Variants in GPHN observed in about 807,000 individuals in gnomAD.
The protein encoded by GPHN is gephyrin.
In GPHN, 17 loss-of-function variants were observed where a neutral mutation model predicts 95.5. The ratio of observed to expected loss-of-function variants is 0.18; its 90% CI spans 0.12 to 0.27. GPHN has a LOEUF of 0.27. GPHN is among the 10% of genes least tolerant of loss of function. The pLI is 1.00. For synonymous variants in GPHN, 320 were observed against 322.5 expected (o/e 0.99, Z 0.08); for missense variants, 660 against 978.1 (o/e 0.67, Z 4.34).
At position 66,996,262 on chromosome 14, in the gene GPHN, G is replaced by A. The variant is rs773013785; in HGVS notation, c.964-27371G>A. On this transcript the variant is annotated intron_variant, in intron 9 of 22. Transcript: ENST00000478722. ...TTCTTACATGGTCAATAACATGCTC[G>A]CCCTCACCATTTTTCTCATTTTATT... 2.5e-5 allele frequency: 30 copies of A among 1,178,360 alleles called. No homozygotes were observed. In the East Asian group the frequency reaches 3.1e-4, roughly 12 times the overall value. The allele number at this position is 1,178,360 out of a possible 1,614,324, so 73.0% of individuals were successfully genotyped here.
At chr14:66,551,981 C>A (rs1039658529) in intron 1 of GPHN, among the ~76,000 whole-genome samples, 6 of 152,152 alleles carry the variant, frequency 3.9e-5, no homozygotes, top group African/African-American at 1.4e-4. Context: ...CCCCTTCATG[C>A]CCCAAAGAGA....
At chr14:66,721,649 G>C (rs779047521) in intron 2 of GPHN, among the ~76,000 whole-genome samples, 6 of 152,028 alleles carry the variant, frequency 3.9e-5, no homozygotes, top group African/African-American at 1.4e-4. Flanking sequence ...TCAAAGATAC[G>C]TTATGTAGAA....
chr14:67,438,237 C>A, the GPHN span, among the ~76,000 whole-genome samples: 1 of 152,196 alleles, frequency 6.6e-6, no homozygotes, highest in Admixed American at 6.5e-5. Flanking sequence ...AGTGCCCTGG[C>A]TTGGGTCAGT....
the GPHN span, among the ~76,000 whole-genome samples, chr14:67,456,163 A>G: frequency 6.6e-6 from 1 of 152,220 alleles, no homozygotes; most frequent in Admixed American, 6.5e-5. Context: ...AAAAGACATG[A>G]AGAGACACTT....
At chr14:67,008,612 T>C (rs897081591) in intron 9 of GPHN, among the ~76,000 whole-genome samples, 1 of 151,954 alleles carries the variant, frequency 6.6e-6, no homozygotes, top group Admixed American at 6.6e-5. Flanking sequence ...TGGCGCAGTC[T>C]TGGCTCACTG....
chr14:66,986,111 C>T (rs2153600795), intron 9 of GPHN, among the ~76,000 whole-genome samples: 1 of 133,016 alleles, frequency 7.5e-6, no homozygotes, highest in South Asian at 2.3e-4. Flanking sequence ...ATTATCTCCC[C>T]TTTTAGCTTT....
chr14:67,000,384 A>G (rs1190411081), intron 9 of GPHN, among the ~76,000 whole-genome samples: 1 of 151,758 alleles, frequency 6.6e-6, no homozygotes, highest in Non-Finnish European at 1.5e-5. Context: ...TAAACACCAC[A>G]GAACCACAAA....
chr14:66,552,862 T>G (rs867644886), intron 1 of GPHN, among the ~76,000 whole-genome samples: 3 of 152,198 alleles, frequency 2.0e-5, no homozygotes, highest in Admixed American at 6.5e-5. Context: ...TCAAGATTTT[T>G]TCTTACTTTT....
At chr14:67,197,581 T>C in the GPHN span, among the ~76,000 whole-genome samples, 1 of 152,004 alleles carries the variant, frequency 6.6e-6, no homozygotes, top group East Asian at 1.9e-4. Context: ...AGGCAATTTT[T>C]CCACCGACTT....
chr14:67,595,492 C>A, the GPHN span, among the ~76,000 whole-genome samples: 3 of 152,196 alleles, frequency 2.0e-5, no homozygotes, highest in Non-Finnish European at 4.4e-5. Context: ...TAATAAACAG[C>A]CACCCACCAG....
At chr14:67,584,843 T>C in the GPHN span, among the ~76,000 whole-genome samples, 21 of 152,232 alleles carry the variant, frequency 1.4e-4, no homozygotes, top group Non-Finnish European at 2.1e-4. Flanking sequence ...TTAATATATA[T>C]TTATAAGCCA....
intron 1 of GPHN, among the ~76,000 whole-genome samples, chr14:66,548,027 A>G (rs1048903267): frequency 6.0e-5 from 9 of 150,478 alleles, no homozygotes; most frequent in African/African-American, 2.0e-4. Flanking sequence ...TTTATCCAGC[A>G]GACTTGTTGG....
chr14:66,753,428 T>G (rs1014373349), intron 2 of GPHN, among the ~76,000 whole-genome samples: 2 of 151,926 alleles, frequency 1.3e-5, no homozygotes, highest in Non-Finnish European at 2.9e-5. Context: ...AGATTTAGGA[T>G]AAATAATAAG....
chr14:67,134,953 CTTTTTTTTTTT>C (rs57933607), intron 17 of GPHN, among the ~76,000 whole-genome samples: 11 of 45,252 alleles, frequency 2.4e-4, no homozygotes, highest in African/African-American at 7.2e-4. Flanking sequence ...TTTCTTTCTT[CTTTTTTTTTTT>C]TTTTTTTTTT....
At chr14:67,444,917 G>A in the GPHN span, among the ~76,000 whole-genome samples, 15 of 152,082 alleles carry the variant, frequency 9.9e-5, no homozygotes, top group Non-Finnish European at 2.2e-4. Context: ...GTGCCACCAC[G>A]CCTGGCTAAT....
At position 66,846,458 on chromosome 14, in the gene GPHN, G is replaced by A. The variant is rs372782933; in HGVS notation, c.294+21892G>A. On this transcript the variant is annotated intron_variant, in intron 4 of 22. Coordinates refer to ENST00000478722, the MANE Select transcript of GPHN (RefSeq NM_020806.5). ...GGAAAAGACATTTAACAAAAAAAAT[G>A]CATTTCTAATATCAACCACACAATT... Among the ~76,000 whole-genome samples the A allele has an allele frequency of 6.0e-4, 92 of 152,220 alleles. 3 individuals are homozygous for A. The highest frequency in any genetic ancestry group is 2.1e-3 in the African/African-American group (88 of 41,532).
intron 3 of GPHN, among the ~76,000 whole-genome samples, chr14:66,801,606 T>C (rs1384685568): frequency 6.6e-5 from 8 of 120,412 alleles, no homozygotes; most frequent in African/African-American, 2.6e-4. Context: ...CCTCTCTCTC[T>C]CTCTCCTCCC....
the GPHN span, among the ~76,000 whole-genome samples, chr14:67,627,531 C>A: frequency 1.3e-5 from 2 of 152,002 alleles, no homozygotes; most frequent in African/African-American, 4.8e-5. Flanking sequence ...ATCTTTGGGA[C>A]AAGAATTGGT....
chr14:67,226,531 T>C, the GPHN span, among the ~76,000 whole-genome samples: 2 of 152,200 alleles, frequency 1.3e-5, no homozygotes, highest in Admixed American at 1.3e-4. Flanking sequence ...TGGCTAATTT[T>C]TGTATTTTTA....
Sources: gnomAD v4.1 joint callset for allele counts (sites outside exome capture counted in the v4.1 genomes callset) on GRCh38, gnomAD v4.1.1 for gene constraint, MANE v1.5 for transcripts, NCBI Gene and HGNC (gene_info 2026-07-23, HGNC 2026-07-21) for gene names.